The following SLC12A7 variants were observed in gnomAD, a reference collection of about 807,000 sequenced individuals.
SLC12A7 encodes K-Cl cotransporter 4.
Under a neutral mutation model 120.6 loss-of-function variants are expected in SLC12A7, and 100 were observed. The observed-to-expected ratio is 0.83, with a 90% confidence interval of 0.71 to 0.98. The LOEUF is 0.98. Among genes scored for constraint, SLC12A7 ranks in the 50% least tolerant of loss-of-function variants. SLC12A7 has a pLI of 0.00. For synonymous variants in SLC12A7, 760 were observed against 678.0 expected (o/e 1.12, Z -1.88); for missense variants, 1,373 against 1,548.1 (o/e 0.89, Z 1.90).
In SLC12A7 at chr5:1,080,231, CGG is replaced by C. The variant is rs1561068523; in HGVS notation, c.1298-737_1298-736del. Among the ~76,000 whole-genome samples the C allele has an allele frequency of 5.9e-4, 5 of 8,530 alleles. 1 individual carries two copies. The highest frequency in any genetic ancestry group is 0.021 in the South Asian group (2 of 94). The allele number at this position is 8,530 out of a possible 152,430, so 5.6% of individuals were successfully genotyped here. Reference sequence around the variant, plus strand: ...ACCCCCACGCCCTCCACCCGCGGCGCGGAGACACCAGGAGCCACGCAGAGGCT... The same window carrying C: ...ACCCCCACGCCCTCCACCCGCGGCGCAGACACCAGGAGCCACGCAGAGGCT... On this transcript the variant is annotated intron_variant, in intron 9 of 23. Coordinates refer to ENST00000264930, the MANE Select transcript of SLC12A7 (RefSeq NM_006598.3).
the SLC12A7 span, among the ~76,000 whole-genome samples, chr5:1,129,825 C>T: frequency 6.6e-6 from 1 of 152,194 alleles, no homozygotes; most frequent in East Asian, 1.9e-4. Context: ...ACACTGCTGA[C>T]CCGAAACCTG....
chr5:1,119,466 G>T, the SLC12A7 span, among the ~76,000 whole-genome samples: 6 of 152,228 alleles, frequency 3.9e-5, no homozygotes, highest in Admixed American at 1.3e-4. Flanking sequence ...TGACGCCGAG[G>T]TTACACAAGC....
intron 20 of SLC12A7, among the ~76,000 whole-genome samples, chr5:1,061,382 G>A (rs1400744920): frequency 1.1e-4 from 4 of 36,312 alleles, no homozygotes; most frequent in African/African-American, 4.2e-4. Context: ...AGTCTCACCC[G>A]CCGCACCCGC....
At chr5:1,107,913 T>C (rs1444669926) in intron 1 of SLC12A7, among the ~76,000 whole-genome samples, 6 of 152,106 alleles carry the variant, frequency 3.9e-5, no homozygotes, top group Non-Finnish European at 1.5e-5. Flanking sequence ...CACCACTCAC[T>C]GATGGGCCTA....
At chr5:1,085,202 C>A (rs1349136990) in intron 7 of SLC12A7, 30 bp downstream of exon 7, 7 of 1,608,278 alleles carry the variant, frequency 4.4e-6, no homozygotes, top group Non-Finnish European at 5.9e-6. Flanking sequence ...GCCCCACACC[C>A]ACCCACGGCT....
the SLC12A7 span, among the ~76,000 whole-genome samples, chr5:1,149,130 T>C: frequency 1.4e-3 from 102 of 73,628 alleles, no homozygotes; most frequent in African/African-American, 3.7e-3. Flanking sequence ...GATCCTACGA[T>C]GCCGCACCCA....
the SLC12A7 span, among the ~76,000 whole-genome samples, chr5:1,153,120 G>A: frequency 6.6e-6 from 1 of 152,246 alleles, no homozygotes; most frequent in African/African-American, 2.4e-5. Flanking sequence ...CCACAGGACT[G>A]GAGCCCAGCT....
intron 20 of SLC12A7, among the ~76,000 whole-genome samples, 154 bp from the exon 21 acceptor site, chr5:1,060,605 C>T (rs111297355): frequency 0.055 from 8,348 of 152,274 alleles, 778 homozygotes; most frequent in African/African-American, 0.19. Flanking sequence ...TCAGGCCCCC[C>T]GCCCAGTGGC....
At position 1,111,841 on chromosome 5, in the gene SLC12A7, T is replaced by G. The variant is rs894168049; in HGVS notation, c.124+27A>C. On this transcript the variant is annotated intron_variant, in intron 1 of 23. Coordinates refer to ENST00000264930, the MANE Select transcript of SLC12A7 (RefSeq NM_006598.3). Reference sequence around the variant, plus strand: ...ACCCGCGCTCGGGGCGCTCGGCCTTTGTCCGGCCAGGTGCGGCCGCGCTCA... The same window carrying G: ...ACCCGCGCTCGGGGCGCTCGGCCTTGGTCCGGCCAGGTGCGGCCGCGCTCA... 5 of 1,200,800 alleles carry G rather than the reference T, an allele frequency of 4.2e-6. No homozygotes were observed. The African/African-American group carries it at 7.9e-5, about 19-fold the overall frequency. 74.4% of individuals were successfully genotyped at this position (1,200,800 alleles called of 1,614,324 possible).
chr5:1,154,012 G>T, the SLC12A7 span, among the ~76,000 whole-genome samples: 1 of 152,032 alleles, frequency 6.6e-6, no homozygotes, highest in East Asian at 1.9e-4. Flanking sequence ...AGAAGGGCAG[G>T]TGTCTCGTCC....
At chr5:1,109,199 G>C (rs4458624) in intron 1 of SLC12A7, among the ~76,000 whole-genome samples, 69,616 of 151,984 alleles carry the variant, frequency 0.46, 18,263 homozygotes, top group Non-Finnish European at 0.6. Flanking sequence ...GCACTGGCCA[G>C]CCCTCCTTTC....
At chr5:1,064,936 T>TGGTGAGGGGACAGC (rs1736839938) in intron 18 of SLC12A7, among the ~76,000 whole-genome samples, 2 of 14,012 alleles carry the variant, frequency 1.4e-4, no homozygotes, top group East Asian at 5.8e-3. Flanking sequence ...GAGGGGACAG[T>TGGTGAGGGGACAGC]GAGGGGACGG....
chr5:1,075,249 CTG>C (rs1163501146), intron 15 of SLC12A7, 120 bp downstream of exon 15: 2 of 1,379,508 alleles, frequency 1.4e-6, no homozygotes, highest in South Asian at 1.5e-5. Context: ...CCAGCTGCCC[CTG>C]TGAGGGCACA....
chr5:1,093,946 C>A (rs1181079219), intron 2 of SLC12A7, among the ~76,000 whole-genome samples: 3 of 152,124 alleles, frequency 2.0e-5, no homozygotes, highest in Non-Finnish European at 4.4e-5. Flanking sequence ...CAGGAAGGAG[C>A]CCAGAAGGCA....
intron 16 of SLC12A7, 140 bp from the exon 17 acceptor site, chr5:1,073,941 A>G: frequency 1.3e-6 from 1 of 789,142 alleles, no homozygotes; most frequent in Non-Finnish European, 1.7e-6. Context: ...AGGGGACAAA[A>G]GGGGCAGGTG....
In SLC12A7 at chr5:1,094,333, G is replaced by C. The variant is rs1201461596; in HGVS notation, c.125-85C>G. On this transcript the variant is annotated intron_variant, in intron 1 of 23. Coordinates refer to ENST00000264930, the MANE Select transcript of SLC12A7 (RefSeq NM_006598.3). Reference sequence around the variant, plus strand: ...GCCAACTACAGATCTTGCACGGAGGGCTCTGGTCCCCACCAGCTGTCACCT... The same window carrying C: ...GCCAACTACAGATCTTGCACGGAGGCCTCTGGTCCCCACCAGCTGTCACCT... The C allele has an allele frequency of 1.0e-5, 10 of 953,160 alleles. No individual in the cohort carries two copies. In the East Asian group the frequency reaches 1.2e-4, roughly 11 times the overall value. 59.0% of individuals were successfully genotyped at this position (953,160 alleles called of 1,614,324 possible).
chr5:1,155,053 G>T, the SLC12A7 span, among the ~76,000 whole-genome samples: 1 of 152,160 alleles, frequency 6.6e-6, no homozygotes, highest in Non-Finnish European at 1.5e-5. Context: ...CTGGAAGCGG[G>T]CTTGGCTCTG....
the SLC12A7 span, among the ~76,000 whole-genome samples, chr5:1,151,370 G>A: frequency 1.3e-5 from 2 of 152,212 alleles, no homozygotes; most frequent in African/African-American, 4.8e-5. The surrounding 1 kb of genome is among the most constrained non-coding windows in gnomAD (Gnocchi z 6.2). Flanking sequence ...GTCAGTGGGC[G>A]CCGTTGCTAA....
chr5:1,108,029 T>TACACACACATACACACACACACAC (rs138331502), intron 1 of SLC12A7, among the ~76,000 whole-genome samples: 6 of 151,378 alleles, frequency 4.0e-5, no homozygotes, highest in African/African-American at 1.2e-4. Flanking sequence ...AACACACACA[T>TACACACACATACACACACACACAC]ACACACACAC....
Sources: allele counts gnomAD v4.1 joint callset (sites outside exome capture counted in the v4.1 genomes callset), GRCh38; gene constraint gnomAD v4.1.1; non-coding constraint Gnocchi (gnomAD v3.1); transcripts MANE v1.5; gene names NCBI Gene and HGNC (gene_info 2026-07-23, HGNC 2026-07-21).